Variants in TIAM2 observed in about 807,000 individuals in gnomAD.
TIAM2 encodes rho guanine nucleotide exchange factor TIAM2.
A neutral mutation model predicts 152.9 loss-of-function variants in TIAM2; 80 were observed. The observed-to-expected ratio is 0.52, with a 90% CI of 0.44 to 0.63. The LOEUF is 0.63. Among genes scored for constraint, TIAM2 ranks in the 30% least tolerant of loss-of-function variants. The probability of loss-of-function intolerance (pLI) is 0.00; values close to 1 mark genes in which losing one functional copy is unlikely to be tolerated. For missense variants in TIAM2, 1,965 were observed against 2,120.1 expected (o/e 0.93, Z 1.44); for synonymous variants, 804 against 838.0 (o/e 0.96, Z 0.70).
chr6:155,088,797 C>CT (rs967197966), intron 1 of TIAM2, among the ~76,000 whole-genome samples: 4 of 152,108 alleles, frequency 2.6e-5, no homozygotes, highest in East Asian at 1.9e-4. Flanking sequence ...ATTATTAGAC[C>CT]TTTTTTGCAA....
chr6:155,248,305 T>C (rs892915654), intron 20 of TIAM2, 126 bp downstream of exon 20: 6 of 1,090,148 alleles, frequency 5.5e-6, no homozygotes, highest in Non-Finnish European at 7.7e-6. Context: ...ACTTTTCAGT[T>C]CTGCGATGGT....
At chr6:155,147,766 T>C (rs939775652) in intron 6 of TIAM2, among the ~76,000 whole-genome samples, 1 of 152,220 alleles carries the variant, frequency 6.6e-6, no homozygotes, top group Admixed American at 6.5e-5. Context: ...ATTACAGGCG[T>C]GAGCCACCGT....
chr6:155,066,216 C>T (rs1431873770), intron 1 of TIAM2, among the ~76,000 whole-genome samples: 2 of 47,038 alleles, frequency 4.3e-5, no homozygotes, highest in Admixed American at 4.5e-4. Context: ...CATGAGCCAC[C>T]GTGCCTGGCC....
At chr6:155,254,159 T>A (rs1472716560) in intron 25 of TIAM2, 99 bp downstream of exon 25, 1 of 1,319,504 alleles carries the variant, frequency 7.6e-7, no homozygotes, top group Non-Finnish European at 1.1e-6. Context: ...TTTGATGATA[T>A]CAGGGTCATA....
In TIAM2 at chr6:155,094,770, A is replaced by G. The variant is rs1286889729; in HGVS notation, c.-118+4391A>G. ...TGTTTTTTTGTTTTTTTTTGTAGAGATGAGGTTTCACTATGTTGCCCAGGC... is the reference window on the plus strand; with the variant it reads ...TGTTTTTTTGTTTTTTTTTGTAGAGGTGAGGTTTCACTATGTTGCCCAGGC... On this transcript the variant is annotated intron_variant, in intron 2 of 26. Transcript: ENST00000682666. 5.5e-5 allele frequency among the ~76,000 whole-genome samples: 8 copies of G among 146,134 alleles called. No individual in the cohort carries two copies. The East Asian group carries it at 1.6e-3, about 29-fold the overall frequency.
intron 9 of TIAM2, 124 bp from the exon 10 acceptor site, chr6:155,176,692 C>G: frequency 2.1e-6 from 2 of 973,850 alleles, no homozygotes; most frequent in East Asian, 5.2e-5. Context: ...TGTGAGAAGC[C>G]AGTGATGTGA....
chr6:155,257,501 G>T lies in TIAM2; in HGVS notation c.*380G>T. ...GGCATTTTCTTTCAGCTGTTTGTTA[G>T]TTTTTGCTTTATTTAAAGCATATTT... On this transcript the variant is annotated 3_prime_UTR_variant, in exon 27 of 27. Transcript: ENST00000682666. The T allele has an allele frequency of 2.9e-6, 1 of 339,498 alleles. No individual in the cohort carries two copies. Among genetic ancestry groups the T allele is most frequent in the Non-Finnish European group, 5.4e-6 (1 of 186,038 alleles). 21.0% of individuals were successfully genotyped at this position (339,498 alleles called of 1,614,324 possible). A position where few individuals can be genotyped will look rare whatever the true frequency, so the allele number is the denominator to read the frequency against.
intron 13 of TIAM2, among the ~76,000 whole-genome samples, chr6:155,183,023 T>A (rs1253227866): frequency 6.6e-6 from 1 of 152,238 alleles, no homozygotes; most frequent in African/African-American, 2.4e-5. Flanking sequence ...GGCCTCAAAC[T>A]CCTGGGCTCA....
chr6:155,179,273 C>T (rs1031808386), intron 11 of TIAM2, 105 bp from the exon 12 acceptor site: 27 of 1,428,410 alleles, frequency 1.9e-5, no homozygotes, highest in East Asian at 4.6e-5. Flanking sequence ...TCTATATAAA[C>T]GGTATCTTAA....
chr6:155,106,438 C>T (rs1321614026), intron 2 of TIAM2, among the ~76,000 whole-genome samples: 2 of 152,246 alleles, frequency 1.3e-5, no homozygotes, highest in Non-Finnish European at 1.5e-5. Context: ...AAAAGCACCA[C>T]GTTGGGGTAA....
intron 20 of TIAM2, among the ~76,000 whole-genome samples, chr6:155,248,667 C>T (rs951856015): frequency 6.6e-6 from 1 of 152,210 alleles, no homozygotes; most frequent in Non-Finnish European, 1.5e-5. Flanking sequence ...GTTATGCTTT[C>T]AAGTCGCTAC....
intron 1 of TIAM2, among the ~76,000 whole-genome samples, chr6:155,004,548 C>T (rs1778366906): frequency 6.6e-6 from 1 of 152,090 alleles, no homozygotes; most frequent in Non-Finnish European, 1.5e-5. Context: ...GCGCCCGCCA[C>T]TACGCCCAGC....
intron 1 of TIAM2, among the ~76,000 whole-genome samples, chr6:155,004,633 A>G (rs1341116097): frequency 6.6e-6 from 1 of 152,066 alleles, no homozygotes; most frequent in African/African-American, 2.4e-5. Flanking sequence ...TGACCTTGTG[A>G]TCTGCCCGCC....
chr6:155,144,474 CT>C, intron 5 of TIAM2, 131 bp from the exon 6 acceptor site: 1 of 872,558 alleles, frequency 1.1e-6, no homozygotes, highest in Non-Finnish European at 1.6e-6. Flanking sequence ...GCCACTTTTC[CT>C]TGTTTACCAT....
intron 7 of TIAM2, among the ~76,000 whole-genome samples, chr6:155,158,166 A>G (rs1420957269): frequency 6.6e-6 from 1 of 152,166 alleles, no homozygotes; most frequent in Admixed American, 6.5e-5. Flanking sequence ...CGATTAAATG[A>G]CTAAATGGCA....
intron 1 of TIAM2, among the ~76,000 whole-genome samples, chr6:155,031,634 G>A (rs1429415037): frequency 6.6e-6 from 1 of 152,186 alleles, no homozygotes; most frequent in Non-Finnish European, 1.5e-5. Flanking sequence ...TGAGGTGGGA[G>A]GATCACCTGA....
chr6:155,110,280 C>A lies in TIAM2; in HGVS notation c.-117-17210C>A, dbSNP rs149033969. ...CATGCACATACATTTCCTTTCCTCC[C>A]TTTGTCCATCCTTCCTTCTTCCTTT... On this transcript the variant is annotated intron_variant, in intron 2 of 26. Coordinates refer to ENST00000682666, the MANE Select transcript of TIAM2 (RefSeq NM_012454.4). Among the ~76,000 whole-genome samples, 340 of 151,274 alleles carry A rather than the reference C, an allele frequency of 2.2e-3. 2 individuals are homozygous for A. Among genetic ancestry groups the A allele is most frequent in the African/African-American group, 7.7e-3 (318 of 41,222 alleles).
At chr6:155,209,421 A>G (rs1781670969) in intron 14 of TIAM2, among the ~76,000 whole-genome samples, 1 of 152,152 alleles carries the variant, frequency 6.6e-6, no homozygotes, top group Non-Finnish European at 1.5e-5. Flanking sequence ...ACATCAGAGA[A>G]AGGAGGCAGT....
At chr6:155,074,886 G>GGATTGTCAGTA (rs1183112482) in intron 1 of TIAM2, among the ~76,000 whole-genome samples, 1 of 150,440 alleles carries the variant, frequency 6.6e-6, no homozygotes, top group Non-Finnish European at 1.5e-5. Flanking sequence ...AAACCTCTGA[G>GGATTGTCAGTA]GATTGTCAGT....
Sources: allele counts gnomAD v4.1 joint callset (sites outside exome capture counted in the v4.1 genomes callset), GRCh38; gene constraint gnomAD v4.1.1; transcripts MANE v1.5; gene names NCBI Gene and HGNC (gene_info 2026-07-23, HGNC 2026-07-21).